The following PTPDC1 variants were observed in gnomAD, a reference collection of about 807,000 sequenced individuals.
PTPDC1 encodes protein tyrosine phosphatase domain-containing protein 1.
In PTPDC1, 53 loss-of-function variants were observed where a neutral mutation model predicts 75.3. That is an observed-to-expected ratio of 0.70 (90% CI 0.56 to 0.88). The LOEUF (loss-of-function observed/expected upper bound fraction) is 0.88. Among genes scored for constraint, PTPDC1 ranks in the 40% least tolerant of loss-of-function variants. PTPDC1 has a pLI of 0.00. For synonymous variants in PTPDC1, 349 were observed against 366.2 expected (o/e 0.95, Z 0.54); for missense variants, 925 against 998.6 (o/e 0.93, Z 0.99).
intron 6 of PTPDC1, 172 bp from the exon 7 acceptor site, chr9:94,101,394 A>C (rs1357791548): frequency 4.0e-6 from 2 of 499,034 alleles, no homozygotes; most frequent in East Asian, 6.2e-5. Flanking sequence ...GTCTTAGTCC[A>C]GTGTCCAGCC....
At chr9:94,048,225 G>C (rs1323128096) in intron 1 of PTPDC1, among the ~76,000 whole-genome samples, 1 of 152,210 alleles carries the variant, frequency 6.6e-6, no homozygotes, top group East Asian at 1.9e-4. Flanking sequence ...TCTGATCTTA[G>C]TTATTTCTTG....
chr9:94,094,090 C>T (rs982625479), intron 4 of PTPDC1, among the ~76,000 whole-genome samples: 1 of 152,256 alleles, frequency 6.6e-6, no homozygotes, highest in Non-Finnish European at 1.5e-5. Flanking sequence ...TTGTCAAAGT[C>T]ATTCTCCATC....
intron 1 of PTPDC1, among the ~76,000 whole-genome samples, chr9:94,060,975 C>G (rs574163535): frequency 2.0e-5 from 3 of 152,252 alleles, no homozygotes; most frequent in Non-Finnish European, 4.4e-5. Flanking sequence ...CAACAGTACC[C>G]CCAAAGTCTT....
intron 1 of PTPDC1, among the ~76,000 whole-genome samples, chr9:94,036,929 T>C (rs2118388434): frequency 1.3e-5 from 2 of 152,356 alleles, no homozygotes; most frequent in South Asian, 4.1e-4. Context: ...AAAAGGAAAG[T>C]TACCTTGTCC....
In PTPDC1 at chr9:94,098,271, C is replaced by T. The variant is rs749681459; in HGVS notation, c.1705C>T (p.Pro569Ser). The change falls in exon 6 of 9, where the codon CCA becomes TCA. Residue 569 changes from proline (P) to serine (S), a missense_variant. Coordinates refer to ENST00000620992, the MANE Select transcript of PTPDC1 (RefSeq NM_001253829.2). ...CAGCTTTGCAAATGTCCATAAGGAT[C>T]CAAACCCTGCTCACCAGCAAGTGTC... ...SPSFANVHKD[P>S]NPAHQQVSHC... is the part of the protein sequence containing the mutation. The T allele has an allele frequency of 6.2e-7, 1 of 1,614,196 alleles. No individual in the cohort carries two copies. The highest frequency in any genetic ancestry group is 8.5e-7 in the Non-Finnish European group (1 of 1,180,040).
chr9:94,049,970 TC>T (rs1385237070), intron 1 of PTPDC1, among the ~76,000 whole-genome samples: 1 of 152,236 alleles, frequency 6.6e-6, no homozygotes, highest in Non-Finnish European at 1.5e-5. Flanking sequence ...CATTTGATCT[TC>T]CATCACTGAT....
chr9:94,101,836 G>A, intron 7 of PTPDC1, 85 bp downstream of exon 7: 3 of 776,340 alleles, frequency 3.9e-6, no homozygotes, highest in Non-Finnish European at 5.9e-6. Context: ...TATAAAAAAA[G>A]AGAATTCACA....
chr9:94,098,668 T>G (rs1827719897), intron 6 of PTPDC1, 89 bp downstream of exon 6: 1 of 1,121,914 alleles, frequency 8.9e-7, no homozygotes, highest in African/African-American at 1.6e-5. Context: ...ACTTATTTAT[T>G]ATAGAAATGT....
chr9:94,052,759 A>G (rs1178022986), intron 1 of PTPDC1, among the ~76,000 whole-genome samples: 2 of 152,296 alleles, frequency 1.3e-5, no homozygotes, highest in Middle Eastern at 3.4e-3. Flanking sequence ...GAAAGACTGT[A>G]CTTTGTCTAC....
chr9:94,075,217 A>G (rs1414670569), intron 2 of PTPDC1, among the ~76,000 whole-genome samples: 1 of 152,172 alleles, frequency 6.6e-6, no homozygotes, highest in Non-Finnish European at 1.5e-5. Flanking sequence ...GGGGTATGGA[A>G]AATTAGCTCC....
At chr9:94,044,253 A>G (rs1490574347) in intron 1 of PTPDC1, among the ~76,000 whole-genome samples, 1 of 152,192 alleles carries the variant, frequency 6.6e-6, no homozygotes, top group Non-Finnish European at 1.5e-5. Flanking sequence ...GAGAATTAGC[A>G]TCTTTACTGT....
intron 2 of PTPDC1, among the ~76,000 whole-genome samples, chr9:94,066,499 A>G (rs1402651202): frequency 6.6e-6 from 1 of 152,236 alleles, no homozygotes; most frequent in Non-Finnish European, 1.5e-5. Context: ...ATCAAGAAGT[A>G]GCTGTGGAGT....
At chr9:94,094,165 T>C (rs1827438717) in intron 4 of PTPDC1, among the ~76,000 whole-genome samples, 1 of 152,208 alleles carries the variant, frequency 6.6e-6, no homozygotes, top group Non-Finnish European at 1.5e-5. Flanking sequence ...CTCTACTTTT[T>C]AGAGTTTCCA....
At chr9:94,103,627 G>C (rs1827919506) in intron 7 of PTPDC1, among the ~76,000 whole-genome samples, 1 of 152,188 alleles carries the variant, frequency 6.6e-6, no homozygotes, top group Non-Finnish European at 1.5e-5. Flanking sequence ...GATTTTCAGA[G>C]TTGAAATTTA....
At chr9:94,106,936 GGTTTGTTTGTTT>G (rs112737054) in intron 8 of PTPDC1, among the ~76,000 whole-genome samples, 6 of 151,238 alleles carry the variant, frequency 4.0e-5, no homozygotes, top group African/African-American at 1.2e-4. Flanking sequence ...ATCAAGGTGG[GGTTTGTTTGTTT>G]GTTTGTTTGT....
intron 2 of PTPDC1, 69 bp downstream of exon 2, chr9:94,085,491 C>A: frequency 1.3e-6 from 2 of 1,546,528 alleles, no homozygotes; most frequent in Non-Finnish European, 1.8e-6. Context: ...GAGCCAGGAG[C>A]CCTGAAGTGT....
At chr9:94,092,031 C>T (rs1268367878) in intron 4 of PTPDC1, among the ~76,000 whole-genome samples, 1 of 147,070 alleles carries the variant, frequency 6.8e-6, no homozygotes, top group Non-Finnish European at 1.5e-5. Flanking sequence ...TTTCAAAAAA[C>T]AAGCTCCTGG....
chr9:94,092,777 G>A (rs1242308530), intron 4 of PTPDC1, among the ~76,000 whole-genome samples: 4 of 149,054 alleles, frequency 2.7e-5, no homozygotes, highest in Non-Finnish European at 3.0e-5. Context: ...CCTGTATTGG[G>A]TGCATATATA....
chr9:94,080,084 C>T (rs572033017), upstream of PTPDC1, among the ~76,000 whole-genome samples: 1 of 152,192 alleles, frequency 6.6e-6, no homozygotes, highest in Admixed American at 6.5e-5. Context: ...GCAGGGTGAC[C>T]CTACATGGAA....
Sources: gnomAD v4.1 joint callset for allele counts (sites outside exome capture counted in the v4.1 genomes callset) on GRCh38, gnomAD v4.1.1 for gene constraint, MANE v1.5 for transcripts, NCBI Gene and HGNC (gene_info 2026-07-23, HGNC 2026-07-21) for gene names.